MAN2A1: variants seen among roughly 807,000 people sequenced by gnomAD.
MAN2A1 encodes mannosidase alpha class 2A member 1.
A neutral mutation model predicts 142.6 loss-of-function variants in MAN2A1; 76 were observed. That is an observed-to-expected ratio of 0.53 (90% CI 0.44 to 0.65). MAN2A1 has a LOEUF of 0.65. Ranked by LOEUF, MAN2A1 falls within the 30% of genes least tolerant of loss-of-function variation. MAN2A1 has a pLI of 0.00. For synonymous variants in MAN2A1, 559 were observed against 473.2 expected (o/e 1.18, Z -2.35); for missense variants, 1,311 against 1,365.1 (o/e 0.96, Z 0.62).
At chr5:109,777,714 T>A (rs1249473594) in intron 8 of MAN2A1, among the ~76,000 whole-genome samples, 1 of 152,094 alleles carries the variant, frequency 6.6e-6, no homozygotes, top group Non-Finnish European at 1.5e-5. Context: ...AGGTCTATAA[T>A]CTATCTGAAA....
At chr5:109,701,365 T>C (rs930574704) in intron 1 of MAN2A1, among the ~76,000 whole-genome samples, 9 of 152,148 alleles carry the variant, frequency 5.9e-5, no homozygotes, top group African/African-American at 2.2e-4. Context: ...ATTGGCTTGA[T>C]TTAGAATCTT....
At chr5:109,836,795 C>T (rs1052967029) in intron 16 of MAN2A1, among the ~76,000 whole-genome samples, 4 of 152,168 alleles carry the variant, frequency 2.6e-5, no homozygotes, top group African/African-American at 4.8e-5. Context: ...ATTCCTCTGG[C>T]ATCTGTGTCT....
chr5:109,704,692 G>A (rs1751081305), intron 1 of MAN2A1, among the ~76,000 whole-genome samples: 1 of 152,160 alleles, frequency 6.6e-6, no homozygotes, highest in Non-Finnish European at 1.5e-5. Context: ...TGTAGAGATT[G>A]AATAGTGGTT....
intron 16 of MAN2A1, among the ~76,000 whole-genome samples, chr5:109,833,952 A>G (rs1306991364): frequency 6.6e-6 from 1 of 152,162 alleles, no homozygotes; most frequent in Non-Finnish European, 1.5e-5. Context: ...GTCAGACACC[A>G]ATATGTTGAA....
Position 109,823,743 on chromosome 5 carries a change from G to A in MAN2A1, c.2472G>A (p.Pro824=), listed in dbSNP as rs544602917. The change falls in exon 16 of 22, where the codon CCG becomes CCA. Residue 824 remains proline, a synonymous_variant. Coordinates refer to ENST00000261483, the MANE Select transcript of MAN2A1 (RefSeq NM_002372.4). ...GNAKPYVYTT[P]PFVRVTHGRI... ...TTCAGCCTTATGTTTACACAACACC[G>A]CCCTTTGTCAGAGTGACACATGGAA... 27 of 1,601,798 alleles carry A rather than the reference G, an allele frequency of 1.7e-5. No individual in the cohort carries two copies. Among genetic ancestry groups the A allele is most frequent in the East Asian group, 1.1e-4 (5 of 44,556 alleles).
intron 4 of MAN2A1, among the ~76,000 whole-genome samples, chr5:109,750,760 T>C (rs1752523398): frequency 6.6e-6 from 1 of 152,130 alleles, no homozygotes; most frequent in Non-Finnish European, 1.5e-5. Context: ...GAGCTGGTTT[T>C]AAGTCACTCT....
chr5:109,826,107 T>C (rs1220686746), intron 16 of MAN2A1, among the ~76,000 whole-genome samples: 1 of 151,786 alleles, frequency 6.6e-6, no homozygotes, highest in Admixed American at 6.6e-5. Context: ...GGTTTCGCCA[T>C]GTTGGTCAGG....
At chr5:109,815,059 C>G (rs902362471) in intron 12 of MAN2A1, among the ~76,000 whole-genome samples, 1 of 152,172 alleles carries the variant, frequency 6.6e-6, no homozygotes, top group African/African-American at 2.4e-5. Context: ...TAGTAAATCA[C>G]TCATTTCTGG....
At chr5:109,841,493 T>C (rs569376389) in intron 16 of MAN2A1, among the ~76,000 whole-genome samples, 34 of 152,338 alleles carry the variant, frequency 2.2e-4, no homozygotes, top group African/African-American at 7.2e-4. Flanking sequence ...TTTTATCTCA[T>C]ACACCCTTGA....
At chr5:109,755,522 G>T in intron 5 of MAN2A1, 66 bp downstream of exon 5, 5 of 1,268,020 alleles carry the variant, frequency 3.9e-6, no homozygotes, top group South Asian at 2.8e-5. Flanking sequence ...GTGAAGTGAG[G>T]CTCTGTTCTT....
chr5:109,819,745 A>G lies in MAN2A1; in HGVS notation c.2186A>G (p.His729Arg), dbSNP rs376683761. ...KILESASSNS[H>R]LADYVLYKNK... ...TTGGAATCAGCAAGTTCAAATTCAC[A>G]TTTAGCTGATTATGTCTTGTATAAG... The change falls in exon 14 of 22, where the codon CAT becomes CGT. Residue 729 changes from histidine to arginine, a missense_variant. Physicochemically the swap from His to Arg is conservative, Grantham distance 29 (BLOSUM62 0). Coordinates refer to ENST00000261483, the MANE Select transcript of MAN2A1 (RefSeq NM_002372.4). 3 of 1,612,506 alleles carry G rather than the reference A, an allele frequency of 1.9e-6. No individual in the cohort carries two copies. The highest frequency in any genetic ancestry group is 2.5e-6 in the Non-Finnish European group (3 of 1,179,114).
At chr5:109,733,109 T>A (rs1159879993) in intron 4 of MAN2A1, among the ~76,000 whole-genome samples, 2 of 152,126 alleles carry the variant, frequency 1.3e-5, no homozygotes, top group Non-Finnish European at 2.9e-5. Flanking sequence ...CTAGGTATTT[T>A]ATTCTCTTTG....
At chr5:109,707,289 G>C (rs961501308) in intron 1 of MAN2A1, among the ~76,000 whole-genome samples, 2 of 152,046 alleles carry the variant, frequency 1.3e-5, no homozygotes, top group Non-Finnish European at 2.9e-5. Context: ...TTCAAAAATG[G>C]TGTGTTTTGT....
At chr5:109,838,206 C>T (rs770196801) in intron 16 of MAN2A1, among the ~76,000 whole-genome samples, 4 of 152,260 alleles carry the variant, frequency 2.6e-5, no homozygotes, top group African/African-American at 4.8e-5. Flanking sequence ...TTCTACCTTG[C>T]GTTGCCTATG....
chr5:109,843,034 G>T (rs1755252992), intron 17 of MAN2A1, among the ~76,000 whole-genome samples: 1 of 151,984 alleles, frequency 6.6e-6, no homozygotes, highest in African/African-American at 2.4e-5. Context: ...TCGAACTCTT[G>T]GACTCAAGTG....
intron 16 of MAN2A1, chr5:109,840,551 A>T: frequency 2.0e-6 from 1 of 508,268 alleles, no homozygotes; most frequent in Non-Finnish European, 3.9e-6. Context: ...AGAGCCTCCA[A>T]TAAGGCTGTC....
intron 1 of MAN2A1, among the ~76,000 whole-genome samples, chr5:109,695,638 T>G (rs1172566464): frequency 2.0e-5 from 3 of 152,202 alleles, no homozygotes; most frequent in Non-Finnish European, 4.4e-5. Flanking sequence ...ATGACCTGTA[T>G]TTGCTGGATT....
At chr5:109,767,816 C>T (rs1753034581) in intron 6 of MAN2A1, 108 bp downstream of exon 6, 1 of 888,970 alleles carries the variant, frequency 1.1e-6, no homozygotes, top group Non-Finnish European at 1.7e-6. Context: ...CTTGAAAAAT[C>T]AGGTGGCCTA....
chr5:109,770,446 C>T lies in MAN2A1; in HGVS notation c.1101C>T (p.Cys367=), dbSNP rs1753113322. 6.2e-7 allele frequency: 1 copy of T among 1,613,924 alleles called. No individual in the cohort carries two copies. Residue 367 remains cysteine, a synonymous_variant, in exon 7 of 22, where the codon TGC becomes TGT. Transcript: ENST00000261483. ...PHTCGPDPKI[C]CQFDFKRLPG... is the part of the protein sequence containing the mutation. ...CTTGTGGACCTGATCCTAAAATATG[C>T]TGCCAGTTTGATTTTAAACGTCTTC...
Sources: allele counts gnomAD v4.1 joint callset (sites outside exome capture counted in the v4.1 genomes callset), GRCh38; gene constraint gnomAD v4.1.1; transcripts MANE v1.5; gene names NCBI Gene and HGNC (gene_info 2026-07-23, HGNC 2026-07-21).